The following VIPR2 variants were observed in gnomAD, a reference collection of about 807,000 sequenced individuals.
The protein encoded by VIPR2 is vasoactive intestinal peptide receptor 2, also known as vasoactive intestinal polypeptide receptor 2.
A neutral mutation model predicts 58.0 loss-of-function variants in VIPR2; 48 were observed. That is an observed-to-expected ratio of 0.83 (90% CI 0.66 to 1.05). The LOEUF is 1.05. VIPR2 is among the 50% of genes least tolerant of loss of function. VIPR2 has a pLI of 0.00. For missense variants in VIPR2, 534 were observed against 558.0 expected (o/e 0.96, Z 0.43); for synonymous variants, 243 against 235.2 (o/e 1.03, Z -0.30).
chr7:159,029,698 C>T lies in VIPR2; in HGVS notation c.*918G>A, dbSNP rs1322729228. On this transcript the variant is annotated 3_prime_UTR_variant, in exon 13 of 13. Coordinates refer to ENST00000262178, the MANE Select transcript of VIPR2 (RefSeq NM_003382.5). ...AGGCAGAGCCAGAGCTGCTGAGGGT[C>T]CCACGGAACACCTGTGTGGAGAGGT... The T allele has an allele frequency of 6.6e-6, 1 of 152,216 alleles. No individual in the cohort carries two copies. The highest frequency in any genetic ancestry group is 2.4e-5 in the African/African-American group (1 of 41,438). The allele number at this position is 152,216 out of a possible 1,614,324, so 9.4% of individuals were successfully genotyped here.
At chr7:159,082,592 C>T (rs995857238) in intron 4 of VIPR2, among the ~76,000 whole-genome samples, 1 of 152,196 alleles carries the variant, frequency 6.6e-6, no homozygotes, top group Non-Finnish European at 1.5e-5. Flanking sequence ...ACGTTGTGCA[C>T]ATGTACCCTA....
chr7:159,030,605 C>G lies in VIPR2; in HGVS notation c.*11G>C. 6.6e-7 allele frequency: 1 copy of G among 1,524,310 alleles called. No individual in the cohort carries two copies. 94.4% of individuals were successfully genotyped at this position (1,524,310 alleles called of 1,614,324 possible). On this transcript the variant is annotated 3_prime_UTR_variant, in exon 13 of 13. Coordinates refer to ENST00000262178, the MANE Select transcript of VIPR2 (RefSeq NM_003382.5). ...TGGGCCTCCCGCCGCGTCCGACAGG[C>G]AGGGGTGGGGCTAGATGACCGAGGT...
In VIPR2 at chr7:159,036,793, GGGAGCATGGCCACCA is replaced by G; in HGVS notation, c.692_706del (p.Leu231_Leu235del). 6.2e-7 allele frequency: 1 copy of G among 1,613,978 alleles called. No individual in the cohort carries two copies. The highest frequency in any genetic ancestry group is 8.5e-7 in the Non-Finnish European group (1 of 1,179,966). ...GTAGGCCAGGAAGCACCTTCTAGGG[GGGAGCATGGCCACCA>G]GGAGGGTGTGGAGGTAGAGCCCCTC... On this transcript the variant is annotated inframe_deletion, in exon 7 of 13. Coordinates refer to ENST00000262178, the MANE Select transcript of VIPR2 (RefSeq NM_003382.5).
intron 4 of VIPR2, among the ~76,000 whole-genome samples, chr7:159,065,826 CCA>C (rs1360418248): frequency 6.6e-6 from 1 of 152,220 alleles, no homozygotes; most frequent in Non-Finnish European, 1.5e-5. Flanking sequence ...ACGTTCTCGA[CCA>C]CAGTGTCCAC....
At chr7:159,108,621 A>G (rs1795865594) in intron 3 of VIPR2, among the ~76,000 whole-genome samples, 1 of 152,190 alleles carries the variant, frequency 6.6e-6, no homozygotes, top group Non-Finnish European at 1.5e-5. Context: ...AGCCTCACTG[A>G]CCTGGGCGCC....
chr7:159,076,959 A>G (rs1033213827), intron 4 of VIPR2, among the ~76,000 whole-genome samples: 6 of 152,238 alleles, frequency 3.9e-5, no homozygotes, highest in African/African-American at 1.4e-4. Flanking sequence ...GTGGCTTTTA[A>G]AAGTCTAATC....
intron 4 of VIPR2, among the ~76,000 whole-genome samples, chr7:159,088,591 A>G (rs1198083377): frequency 6.6e-6 from 1 of 152,244 alleles, no homozygotes; most frequent in Non-Finnish European, 1.5e-5. Context: ...CGTTATTCAC[A>G]TCACAGCGAG....
At chr7:159,090,252 C>CG in intron 4 of VIPR2, among the ~76,000 whole-genome samples, 1 of 123,894 alleles carries the variant, frequency 8.1e-6, no homozygotes, top group Non-Finnish European at 1.7e-5. Context: ...TCACAATCCC[C>CG]AGTGACCTCA....
At position 159,093,944 on chromosome 7, in the gene VIPR2, T is replaced by C. The variant is rs891155883; in HGVS notation, c.357+9813A>G. On this transcript the variant is annotated intron_variant, in intron 4 of 12. Transcript: ENST00000262178. This position sits in a 1 kb window ranked among gnomAD's most constrained non-coding sequence, Gnocchi z 6.7. Reference sequence around the variant, plus strand: ...AGGGCTGGTGGTCATGTCTGCGTGATGGAAAGGGAGCAGGAAGCTGAAGGG... The same window carrying C: ...AGGGCTGGTGGTCATGTCTGCGTGACGGAAAGGGAGCAGGAAGCTGAAGGG... Among the ~76,000 whole-genome samples the C allele has an allele frequency of 5.3e-5, 8 of 151,974 alleles. No individual in the cohort carries two copies. Among genetic ancestry groups the C allele is most frequent in the Middle Eastern group, 3.2e-3 (1 of 316 alleles).
At chr7:159,071,027 T>C (rs1224340126) in intron 4 of VIPR2, among the ~76,000 whole-genome samples, 1 of 152,178 alleles carries the variant, frequency 6.6e-6, no homozygotes, top group Admixed American at 6.5e-5. Flanking sequence ...ATCCTTCCTG[T>C]AGTCAGTTTT....
chr7:159,031,640 G>A lies in VIPR2; in HGVS notation c.1143+188C>T, dbSNP rs1853593228. The A allele has an allele frequency of 2.0e-6, 2 of 985,294 alleles. No homozygotes were observed. Among genetic ancestry groups the A allele is most frequent in the African/African-American group, 3.5e-5 (2 of 57,234 alleles). The allele number at this position is 985,294 out of a possible 1,614,324, so 61.0% of individuals were successfully genotyped here. A position where few individuals can be genotyped will look rare whatever the true frequency, so the allele number is the denominator to read the frequency against. ...GAAGGACGGCGGGGTTTGGAAGCTG[G>A]GCCCAGAAGAGTGGGTTTGCCTGTG... On this transcript the variant is annotated intron_variant, in intron 12 of 12. Coordinates refer to ENST00000262178, the MANE Select transcript of VIPR2 (RefSeq NM_003382.5). The surrounding 1 kb of genome is among the most constrained non-coding windows in gnomAD (Gnocchi z 4.0).
chr7:159,063,719 T>A (rs13307554), intron 4 of VIPR2, among the ~76,000 whole-genome samples: 1 of 131,546 alleles, frequency 7.6e-6, no homozygotes, highest in Non-Finnish European at 1.6e-5. Flanking sequence ...GATCTGGGGT[T>A]CCTGGCGGGT....
chr7:159,072,227 G>A (rs1856446078), intron 4 of VIPR2, among the ~76,000 whole-genome samples: 1 of 152,064 alleles, frequency 6.6e-6, no homozygotes, highest in South Asian at 2.1e-4. Context: ...GGTACCGGCA[G>A]GTAAGAAAAC....
chr7:159,122,542 A>G (rs1179344026), intron 2 of VIPR2, among the ~76,000 whole-genome samples: 2 of 152,158 alleles, frequency 1.3e-5, no homozygotes, highest in Non-Finnish European at 2.9e-5. Flanking sequence ...ACTTTCTGCC[A>G]CTGGGTGGGT....
At chr7:159,126,504 CA>C (rs2129497143) in intron 2 of VIPR2, among the ~76,000 whole-genome samples, 2 of 152,282 alleles carry the variant, frequency 1.3e-5, no homozygotes, top group African/African-American at 4.8e-5. Flanking sequence ...GGGAAATACA[CA>C]AAGCAATTAC....
chr7:159,055,445 C>A (rs570976270), intron 5 of VIPR2, among the ~76,000 whole-genome samples: 1 of 151,868 alleles, frequency 6.6e-6, no homozygotes, highest in Non-Finnish European at 1.5e-5. Context: ...TGTAACACTG[C>A]CACAGAGCCT....
chr7:159,067,559 T>A (rs1233260743), intron 4 of VIPR2, among the ~76,000 whole-genome samples: 1 of 152,220 alleles, frequency 6.6e-6, no homozygotes, highest in Non-Finnish European at 1.5e-5. Context: ...CTGCTCAATG[T>A]GGGTATATTA....
chr7:159,094,378 A>G (rs539445931), intron 4 of VIPR2, among the ~76,000 whole-genome samples: 1 of 152,336 alleles, frequency 6.6e-6, no homozygotes, highest in Non-Finnish European at 1.5e-5. Flanking sequence ...TGCTTCTGAC[A>G]TCAGCCACTA....
chr7:159,136,581 C>T (rs1335475711), intron 2 of VIPR2, among the ~76,000 whole-genome samples: 1 of 152,042 alleles, frequency 6.6e-6, no homozygotes, highest in Non-Finnish European at 1.5e-5. Flanking sequence ...ACTGGCCACA[C>T]ACTGAGGAGC....
Sources: allele counts gnomAD v4.1 joint callset (sites outside exome capture counted in the v4.1 genomes callset), GRCh38; gene constraint gnomAD v4.1.1; non-coding constraint Gnocchi (gnomAD v3.1); transcripts MANE v1.5; gene names NCBI Gene and HGNC (gene_info 2026-07-23, HGNC 2026-07-21).